Variants in RBFOX1 observed in about 807,000 individuals in gnomAD.
RBFOX1 encodes the protein RNA binding fox-1 homolog 1, also known as RNA binding protein fox-1 homolog 1.
RBFOX1 carries 8 observed loss-of-function variants against 57.7 expected under a neutral mutation model. The observed-to-expected ratio is 0.14, with a 90% CI of 0.08 to 0.25. The LOEUF (loss-of-function observed/expected upper bound fraction) is 0.25, where lower values mean the gene tolerates loss of function less well. Ranked by LOEUF, RBFOX1 falls within the 10% of genes least tolerant of loss-of-function variation. RBFOX1 has a pLI of 1.00. For missense variants in RBFOX1, 611 were observed against 548.5 expected (o/e 1.11, Z -1.14); for synonymous variants, 326 against 222.4 (o/e 1.47, Z -4.15).
At chr16:6,585,731 G>T (rs1308224246) in intron 2 of RBFOX1, among the ~76,000 whole-genome samples, 1 of 151,732 alleles carries the variant, frequency 6.6e-6, no homozygotes, top group African/African-American at 2.4e-5. Flanking sequence ...TTCAAAGGGG[G>T]CAAAAACAGG....
intron 3 of RBFOX1, among the ~76,000 whole-genome samples, chr16:5,698,975 C>G (rs1240672737): frequency 7.3e-6 from 1 of 137,882 alleles, no homozygotes; most frequent in African/African-American, 2.6e-5. Context: ...TAAACAGCAC[C>G]TGGTTGGATT....
At chr16:7,480,101 A>G (rs1232714245) in intron 4 of RBFOX1, among the ~76,000 whole-genome samples, 1 of 152,166 alleles carries the variant, frequency 6.6e-6, no homozygotes, top group Non-Finnish European at 1.5e-5. Flanking sequence ...TCATGTTCTT[A>G]AAGAAGGCTG....
chr16:6,808,987 C>G (rs1246274338), intron 3 of RBFOX1, among the ~76,000 whole-genome samples: 3 of 152,160 alleles, frequency 2.0e-5, no homozygotes, highest in African/African-American at 4.8e-5. Flanking sequence ...TGTAACCTAG[C>G]TTAATAGACA....
At chr16:5,500,370 G>T (rs142625809) in intron 2 of RBFOX1, among the ~76,000 whole-genome samples, 104 of 152,074 alleles carry the variant, frequency 6.8e-4, no homozygotes, top group African/African-American at 2.5e-3. Flanking sequence ...CAACAGGCAT[G>T]CAGTACCATG....
At chr16:6,790,486 C>T (rs778437751) in intron 3 of RBFOX1, among the ~76,000 whole-genome samples, 9 of 151,956 alleles carry the variant, frequency 5.9e-5, no homozygotes, top group Non-Finnish European at 1.3e-4. Flanking sequence ...GGCATGGCGC[C>T]CTCCATCGTT....
chr16:5,921,151 A>G (rs1174839525), intron 4 of RBFOX1, among the ~76,000 whole-genome samples: 1 of 152,210 alleles, frequency 6.6e-6, no homozygotes, highest in East Asian at 1.9e-4. Flanking sequence ...ACCCCAGAGA[A>G]TGCTAAGGCC....
intron 3 of RBFOX1, among the ~76,000 whole-genome samples, chr16:7,040,817 T>C (rs1568490025): frequency 6.6e-6 from 1 of 152,256 alleles, no homozygotes; most frequent in Non-Finnish European, 1.5e-5. Flanking sequence ...TATTCCGTAG[T>C]ATAGGTCAAA....
At chr16:6,729,917 A>T (rs908887507) in intron 3 of RBFOX1, among the ~76,000 whole-genome samples, 1 of 152,200 alleles carries the variant, frequency 6.6e-6, no homozygotes, top group Non-Finnish European at 1.5e-5. Flanking sequence ...AAACTTGTAC[A>T]GGATGCCCGA....
chr16:6,502,752 C>T (rs2095975087), intron 2 of RBFOX1, among the ~76,000 whole-genome samples: 1 of 152,056 alleles, frequency 6.6e-6, no homozygotes, highest in Non-Finnish European at 1.5e-5. Context: ...GTAAGGTGCC[C>T]CGATGGATCA....
chr16:7,262,652 C>G lies in RBFOX1; in HGVS notation c.27+210554C>G, dbSNP rs943912388. ...GCAGCTTTGATAGCTGTCTCAAATA[C>G]AATCTGCAATCTATCAAGGAGGGCG... On this transcript the variant is annotated intron_variant, in intron 4 of 15. Transcript: ENST00000550418. Among the ~76,000 whole-genome samples, 3 of 152,340 alleles carry G rather than the reference C, an allele frequency of 2.0e-5. No individual in the cohort carries two copies. The South Asian group carries it at 6.2e-4, about 32-fold the overall frequency.
intron 4 of RBFOX1, among the ~76,000 whole-genome samples, chr16:5,940,112 A>AAT (rs2059249773): frequency 6.6e-6 from 1 of 152,208 alleles, no homozygotes; most frequent in East Asian, 1.9e-4. Flanking sequence ...CTCACCCCGT[A>AAT]TTCCACACTG....
intron 3 of RBFOX1, among the ~76,000 whole-genome samples, chr16:6,677,010 C>T (rs1189803092): frequency 6.6e-6 from 1 of 152,012 alleles, no homozygotes; most frequent in Non-Finnish European, 1.5e-5. Context: ...ATCCAAAAGA[C>T]CAAAAGACTT....
chr16:5,708,072 C>G (rs986356142), intron 3 of RBFOX1, among the ~76,000 whole-genome samples: 35 of 152,088 alleles, frequency 2.3e-4, no homozygotes, highest in Non-Finnish European at 2.4e-4. Flanking sequence ...AGTTGCTGTC[C>G]ATACCAAACA....
chr16:7,166,731 G>A (rs1051852344), intron 4 of RBFOX1, among the ~76,000 whole-genome samples: 4 of 152,040 alleles, frequency 2.6e-5, no homozygotes, highest in African/African-American at 9.7e-5. Flanking sequence ...GGCATGTCAA[G>A]GCAGACTTCA....
chr16:6,685,493 C>A (rs28577999), intron 3 of RBFOX1, among the ~76,000 whole-genome samples: 1 of 134,992 alleles, frequency 7.4e-6, no homozygotes, highest in Non-Finnish European at 1.6e-5. Context: ...TTGCCGTGTT[C>A]GCCAGGCTGC....
chr16:7,254,329 C>T (rs1393199868), intron 4 of RBFOX1, among the ~76,000 whole-genome samples: 1 of 152,108 alleles, frequency 6.6e-6, no homozygotes, highest in Non-Finnish European at 1.5e-5. Flanking sequence ...ACTAATTCAG[C>T]AGGAAGACCA....
intron 4 of RBFOX1, among the ~76,000 whole-genome samples, chr16:7,377,762 C>A (rs1036573502): frequency 6.6e-6 from 1 of 152,112 alleles, no homozygotes. Context: ...ACGTCTAGGC[C>A]CCTGCTGTCT....
intron 2 of RBFOX1, among the ~76,000 whole-genome samples, chr16:6,635,466 A>G (rs934933969): frequency 3.9e-5 from 6 of 152,152 alleles, no homozygotes; most frequent in African/African-American, 1.2e-4. Flanking sequence ...TAGAGGAGGA[A>G]GTGATAACAG....
At chr16:5,398,861 C>T (rs1246761079) in intron 1 of RBFOX1, among the ~76,000 whole-genome samples, 5 of 152,146 alleles carry the variant, frequency 3.3e-5, no homozygotes, top group Non-Finnish European at 7.3e-5. Flanking sequence ...ACGTTTGAGG[C>T]GTAACCCGCA....
Sources: gnomAD v4.1 joint callset for allele counts (sites outside exome capture counted in the v4.1 genomes callset) on GRCh38, gnomAD v4.1.1 for gene constraint, MANE v1.5 for transcripts, NCBI Gene and HGNC (gene_info 2026-07-23, HGNC 2026-07-21) for gene names.